Variants in LMF2 observed in about 807,000 individuals in gnomAD.
The protein encoded by LMF2 is lipase maturation factor 2.
A neutral mutation model predicts 81.5 loss-of-function variants in LMF2; 113 were observed. The ratio of observed to expected loss-of-function variants is 1.39; its 90% CI spans 1.19 to 1.62. The LOEUF (loss-of-function observed/expected upper bound fraction) is 1.62, where lower values mean the gene tolerates loss of function less well. LMF2 is among the 40% of genes most tolerant of loss of function. The pLI is 0.00. For synonymous variants in LMF2, 645 were observed against 424.5 expected (o/e 1.52, Z -6.39); for missense variants, 1,235 against 929.1 (o/e 1.33, Z -4.28).
At position 50,506,425 on chromosome 22, in the gene LMF2, G is replaced by C. The variant is rs1040784806; in HGVS notation, c.455C>G (p.Ala152Gly). ...GGCCCCTGCCTGCCTGCCCTGGGGG[G>C]CCTCCTTGCGGTGGGAGGCTGGCCT... ...PLRPASHRKE[A>G]PQGRQAGALP... is the part of the protein sequence containing the mutation. Residue 152 changes from alanine to glycine, a missense_variant, in exon 4 of 14, where the codon GCC becomes GGC. Coordinates refer to ENST00000474879, the MANE Select transcript of LMF2 (RefSeq NM_033200.3). 1 of 1,550,200 alleles carries C rather than the reference G, an allele frequency of 6.5e-7. No individual in the cohort carries two copies. The highest frequency in any genetic ancestry group is 8.7e-7 in the Non-Finnish European group (1 of 1,147,940).
At position 50,503,574 on chromosome 22, in the gene LMF2, C is replaced by T. The variant is rs939609937; in HGVS notation, c.1941G>A (p.Gly647=). The T allele has an allele frequency of 2.6e-6, 4 of 1,541,744 alleles. No homozygotes were observed. The highest frequency in any genetic ancestry group is 2.6e-6 in the Non-Finnish European group (3 of 1,146,694). The change falls in exon 14 of 14, where the codon GGG becomes GGA. Residue 647 remains glycine (G), a synonymous_variant. Coordinates refer to ENST00000474879, the MANE Select transcript of LMF2 (RefSeq NM_033200.3). ...ALLWGLLMAV[G]AVRFVQALLA... is the part of the protein sequence containing the mutation. Reference sequence around the variant, plus strand: ...GCAGGGCTTGCACAAATCTGACAGCCCCCACGGCCATGAGGAGCCCCCAGA... The same window carrying T: ...GCAGGGCTTGCACAAATCTGACAGCTCCCACGGCCATGAGGAGCCCCCAGA...
At chr22:50,504,011 C>T in intron 12 of LMF2, 107 bp from the exon 13 acceptor site, 2 of 1,026,234 alleles carry the variant, frequency 1.9e-6, no homozygotes, top group East Asian at 2.7e-5. Flanking sequence ...CTCCACATCC[C>T]CCCCTGGTGC....
Position 50,504,860 on chromosome 22 carries a change from CCA to C in LMF2, c.1377_1378del (p.Gly460AlafsTer6). The C allele has an allele frequency of 6.2e-7, 1 of 1,611,366 alleles. No homozygotes were observed. The highest frequency in any genetic ancestry group is 1.7e-4 in the Middle Eastern group (1 of 6,054). ...CACCACCTCAGGCCGTCCACCAAGC[CCA>C]GTCATGCGGCGGAAGAGGCCGTAGG... On this transcript the variant is annotated frameshift_variant, in exon 10 of 14. Transcript: ENST00000474879. LOFTEE classifies it high-confidence loss of function.
In LMF2 at chr22:50,505,085, G is replaced by A. The variant is rs147921970; in HGVS notation, c.1226C>T (p.Ala409Val). The part of the protein sequence containing the change: ...AVVQLSLVGT[A>V]TVALFLISLV... The stretch of plus-strand genomic sequence containing the variant: ...GCTAATCAGGAACAAGGCCACGGTC[G>A]CAGTGCCCACAAGGGACAGTTGGAC... Residue 409 changes from alanine (A) to valine (V), a missense_variant, in exon 9 of 14, where the codon GCG (alanine) becomes GTG (valine). Physicochemically the swap from Ala to Val is moderately conservative, Grantham distance 64. Transcript: ENST00000474879. 1.2e-5 allele frequency: 20 copies of A among 1,612,862 alleles called. No individual in the cohort carries two copies. Among genetic ancestry groups the A allele is most frequent in the Admixed American group, 8.3e-5 (5 of 60,006 alleles).
chr22:50,505,446 G>A lies in LMF2; in HGVS notation c.1008C>T (p.Gly336=), dbSNP rs777321260. Residue 336 remains glycine (G), a synonymous_variant, in exon 7 of 14, where the codon GGC becomes GGT. Coordinates refer to ENST00000474879, the MANE Select transcript of LMF2 (RefSeq NM_033200.3). ...LLAYGTVHYF[G]LEVDWQQRTI... ...TGCGCTGCTGCCAGTCAACCTCCAG[G>A]CCAAAGTAGTGCACAGTGCCATAGG... The A allele has an allele frequency of 7.1e-5, 114 of 1,612,966 alleles. No individual in the cohort carries two copies. The highest frequency in any genetic ancestry group is 1.6e-4 in the Middle Eastern group (1 of 6,082).
chr22:50,505,617 G>T lies in LMF2; in HGVS notation c.916+57C>A. ...GTGCAGCTAGAGTGGGAGTCCTGTGGGGGTGTTGGAGGGGAGAACCCCTGG... is the reference window on the plus strand; with the variant it reads ...GTGCAGCTAGAGTGGGAGTCCTGTGTGGGTGTTGGAGGGGAGAACCCCTGG... On this transcript the variant is annotated intron_variant, in intron 6 of 13. Transcript: ENST00000474879. The T allele has an allele frequency of 1.9e-6, 3 of 1,611,350 alleles. No individual in the cohort carries two copies. The Middle Eastern group carries it at 5.0e-4, about 266-fold the overall frequency.
Position 50,503,645 on chromosome 22 carries a change from G to A in LMF2, c.1870C>T (p.His624Tyr). The A allele has an allele frequency of 1.9e-6, 3 of 1,592,896 alleles. No individual in the cohort carries two copies. The highest frequency in any genetic ancestry group is 2.2e-5 in the East Asian group (1 of 44,596). Residue 624 changes from histidine to tyrosine, a missense_variant, in exon 14 of 14, where the codon CAC becomes TAC. By Grantham distance (83) the His-to-Tyr change is moderately conservative. Coordinates refer to ENST00000474879, the MANE Select transcript of LMF2 (RefSeq NM_033200.3). ...SANSTLAQALHWTRSQLSPLE... is the reference protein window; with the variant it reads ...SANSTLAQALYWTRSQLSPLE... ...GGAGACAGCTGAGAGCGAGTCCAGT[G>A]GAGGGCCTGGGCCAGGGTGCTGTTG...
chr22:50,505,373 G>A, intron 7 of LMF2, 30 bp downstream of exon 7: 1 of 1,613,230 alleles, frequency 6.2e-7, no homozygotes, highest in Non-Finnish European at 8.5e-7. Flanking sequence ...GTCCGCCCCT[G>A]CCCTCTGGCC....
intron 11 of LMF2, 44 bp from the exon 12 acceptor site, chr22:50,504,495 G>GGCCCACC: frequency 7.5e-7 from 1 of 1,339,594 alleles, no homozygotes; most frequent in Non-Finnish European, 1.0e-6. Context: ...TACCCGCCCT[G>GGCCCACC]CCCCTCCCCT....
rs749002667 is a variant in LMF2, at chr22:50,505,481, C to T, written c.973G>A (p.Gly325Arg). The T allele has an allele frequency of 1.5e-5, 24 of 1,612,796 alleles. No homozygotes were observed. The highest frequency in any genetic ancestry group is 4.0e-5 in the African/African-American group (3 of 74,946). ...TGCACAGTGCCATAGGCCAGAAGCC[C>T]GTAGACGGCTAGTTCCAGCAGCAGC... ...LSLLLELAVY[G>R]LLAYGTVHYF... The change falls in exon 7 of 14, where the codon GGG becomes AGG. Residue 325 changes from glycine (G) to arginine (R), a missense_variant. By Grantham distance (125) the Gly-to-Arg change is moderately radical. Coordinates refer to ENST00000474879, the MANE Select transcript of LMF2 (RefSeq NM_033200.3).
rs533762764 is a variant in LMF2 at position 50,505,488 on chromosome 22, G to A, written c.966C>T (p.Ala322=). Residue 322 remains alanine (A), a synonymous_variant, in exon 7 of 14, where the codon GCC becomes GCT. Coordinates refer to ENST00000474879, the MANE Select transcript of LMF2 (RefSeq NM_033200.3). ...LATLSLLLEL[A]VYGLLAYGTV... ...TGCCATAGGCCAGAAGCCCGTAGAC[G>A]GCTAGTTCCAGCAGCAGCGACAGGG... 2.8e-5 allele frequency: 45 copies of A among 1,612,866 alleles called. No homozygotes were observed. Among genetic ancestry groups the A allele is most frequent in the African/African-American group, 5.3e-5 (4 of 75,066 alleles).
At chr22:50,507,292 C>G in intron 1 of LMF2, 1 of 621,152 alleles carries the variant, frequency 1.6e-6, no homozygotes, top group Non-Finnish European at 2.8e-6. Flanking sequence ...TTCCAGGTCT[C>G]AGCCCGATCT....
At position 50,506,293 on chromosome 22, in the gene LMF2, C is replaced by A. The variant is rs1458348494; in HGVS notation, c.587G>T (p.Gly196Val). 2 of 1,549,036 alleles carry A rather than the reference C, an allele frequency of 1.3e-6. No individual in the cohort carries two copies. The highest frequency in any genetic ancestry group is 2.7e-5 in the African/African-American group (2 of 73,028). The change falls in exon 4 of 14, where the codon GGG (glycine) becomes GTG (valine). Residue 196 changes from glycine to valine, a missense_variant. Gly to Val is a moderately radical substitution (Grantham distance 109). Transcript: ENST00000474879. ...KLTSRCPAWW[G>V]LTALTYHYET... ...CAGACCGGGCCCCTCACCAGTGAGC[C>A]CCCACCACGCAGGGCAGCGGCTGGT...
In LMF2 at chr22:50,506,052, C is replaced by T; in HGVS notation, c.757G>A (p.Ala253Thr). 1.9e-6 allele frequency: 3 copies of T among 1,588,994 alleles called. No individual in the cohort carries two copies. Among genetic ancestry groups the T allele is most frequent in the East Asian group, 2.3e-5 (1 of 43,884 alleles). ...TCACCCACCTGCGAGTAGAAAGCAG[C>T]CAAGCGCAGGCGTCGAATGGGGGCG... ...FFAPIRRLRL[A>T]AFYSQVLLQV... Residue 253 changes from alanine (A) to threonine (T), a missense_variant, in exon 5 of 14, where the codon GCT (alanine) becomes ACT (threonine). By Grantham distance (58) the Ala-to-Thr change is moderately conservative. Transcript: ENST00000474879.
rs768849438 is a variant in LMF2 at position 50,506,154 on chromosome 22, G to A, written c.655C>T (p.His219Tyr). 4.5e-5 allele frequency: 70 copies of A among 1,569,552 alleles called. No homozygotes were observed. The highest frequency in any genetic ancestry group is 5.9e-5 in the Non-Finnish European group (68 of 1,157,420). ...LPTPAAWFAH[H>Y]LPVWLHKLSV... ...AGCTTGTGCAGCCAGACCGGCAGGT[G>A]GTGTGCGAACCAGGCGGCGGGCGTG... The change falls in exon 5 of 14, where the codon CAC becomes TAC. Residue 219 changes from histidine (H) to tyrosine (Y), a missense_variant. Coordinates refer to ENST00000474879, the MANE Select transcript of LMF2 (RefSeq NM_033200.3).
intron 11 of LMF2, 44 bp from the exon 12 acceptor site, chr22:50,504,495 G>GGCCCCCCCCCCCCCCCCCCCCCCCACCC: frequency 7.5e-7 from 1 of 1,339,594 alleles, no homozygotes. Context: ...TACCCGCCCT[G>GGCCCCCCCCCCCCCCCCCCCCCCCACCC]CCCCTCCCCT....
At position 50,505,258 on chromosome 22, in the gene LMF2, C is replaced by G. The variant is rs1395124760; in HGVS notation, c.1128G>C (p.Leu376=). The G allele has an allele frequency of 6.2e-7, 1 of 1,613,070 alleles. No individual in the cohort carries two copies. The highest frequency in any genetic ancestry group is 8.5e-7 in the Non-Finnish European group (1 of 1,180,018). ...LPTVWLGVAS[L]VWELLSALWR... Reference sequence around the variant, plus strand: ...ACAGGGCACTCAGCAGCTCCCAGACCAGGGAGGCCACACCCAGCCACACAG... The same window carrying G: ...ACAGGGCACTCAGCAGCTCCCAGACGAGGGAGGCCACACCCAGCCACACAG... The change falls in exon 8 of 14, where the codon CTG becomes CTC. Residue 376 remains leucine, a synonymous_variant. Transcript: ENST00000474879.
chr22:50,505,310 T>A lies in LMF2; in HGVS notation c.1076A>T (p.Gln359Leu), dbSNP rs199748985. ...GGGCAGCGTCAGTGTCTTCAGCCAC[T>A]GAGAAAACTGGTGGAAGGTGAAAGC... ...RTTFTFHQFSQWLKTLTLPTV... is the reference protein window; with the variant it reads ...RTTFTFHQFSLWLKTLTLPTV... The change falls in exon 8 of 14, where the codon CAG becomes CTG. Residue 359 changes from glutamine (Q) to leucine (L), a missense_variant. Gln to Leu is a moderately radical substitution (Grantham distance 113, BLOSUM62 -2). Transcript: ENST00000474879. 335 of 1,613,242 alleles carry A rather than the reference T, an allele frequency of 2.1e-4. 4 individuals carry two copies. The highest frequency in any genetic ancestry group is 1.9e-3 in the South Asian group (171 of 91,084).
Position 50,506,924 on chromosome 22 carries a change from C to T in LMF2, c.206G>A (p.Arg69Lys). ...ETPTLLWEAP[R>K]LGLDTAQGLE... is the part of the protein sequence containing the mutation. Reference sequence around the variant, plus strand: ...GCCCTGGGCCGTGTCCAGCCCCAGTCTCGGCGCTTCCCACAGCAGCGTCGG... The same window carrying T: ...GCCCTGGGCCGTGTCCAGCCCCAGTTTCGGCGCTTCCCACAGCAGCGTCGG... The change falls in exon 2 of 14, where the codon AGA (arginine) becomes AAA (lysine). Residue 69 changes from arginine to lysine, a missense_variant. Transcript: ENST00000474879. 1.3e-6 allele frequency: 2 copies of T among 1,581,132 alleles called. No individual in the cohort carries two copies. The highest frequency in any genetic ancestry group is 1.3e-5 in the African/African-American group (1 of 74,304).
Sources: gnomAD v4.1 joint callset for allele counts on GRCh38, gnomAD v4.1.1 for gene constraint, MANE v1.5 for transcripts, NCBI Gene and HGNC (gene_info 2026-07-23, HGNC 2026-07-21) for gene names.